SMIM18: variants seen among roughly 807,000 people sequenced by gnomAD.
SMIM18 encodes small integral membrane protein 18.
A neutral mutation model predicts 5.9 loss-of-function variants in SMIM18; 4 were observed. The observed-to-expected ratio is 0.68, with a 90% CI of 0.33 to 1.56. The LOEUF (loss-of-function observed/expected upper bound fraction) is 1.56. SMIM18 is among the 40% of genes most tolerant of loss of function. The pLI, the probability that SMIM18 is intolerant of heterozygous loss-of-function variation, is 0.06. For missense variants in SMIM18, 89 were observed against 109.7 expected (o/e 0.81, Z 0.84); for synonymous variants, 37 against 37.4 (o/e 0.99, Z 0.04).
intron 2 of SMIM18, among the ~76,000 whole-genome samples, 197 bp downstream of exon 2, chr8:30,644,769 A>G (rs1440432528): frequency 1.6e-5 from 2 of 121,962 alleles, no homozygotes; most frequent in African/African-American, 6.2e-5. Flanking sequence ...TTTTTTTTTG[A>G]GAAACGGTTT....
At chr8:30,640,922 C>G (rs1368988161) in intron 1 of SMIM18, among the ~76,000 whole-genome samples, 1 of 152,208 alleles carries the variant, frequency 6.6e-6, no homozygotes, top group African/African-American at 2.4e-5. Flanking sequence ...TCAGGCCAGT[C>G]TTGAACTTAT....
At chr8:30,640,878 T>C (rs1801795731) in intron 1 of SMIM18, among the ~76,000 whole-genome samples, 1 of 152,180 alleles carries the variant, frequency 6.6e-6, no homozygotes, top group South Asian at 2.1e-4. Context: ...CTAATTTTTG[T>C]GTTTTTAGCA....
intron 1 of SMIM18, among the ~76,000 whole-genome samples, chr8:30,641,507 C>T (rs1050144544): frequency 2.0e-5 from 3 of 152,108 alleles, no homozygotes; most frequent in Admixed American, 6.5e-5. Flanking sequence ...AGACTACAGG[C>T]GCAGGCTATC....
At chr8:30,643,108 C>T (rs1202238681) in intron 1 of SMIM18, among the ~76,000 whole-genome samples, 1 of 152,048 alleles carries the variant, frequency 6.6e-6, no homozygotes, top group East Asian at 1.9e-4. Flanking sequence ...CCTTAGAAAA[C>T]ATAATTTTAT....
chr8:30,638,999 T>A (rs1483292742), intron 1 of SMIM18, among the ~76,000 whole-genome samples: 1 of 152,198 alleles, frequency 6.6e-6, no homozygotes, highest in Non-Finnish European at 1.5e-5. Flanking sequence ...AACAAAGGAT[T>A]TTTCTTAAAG....
chr8:30,642,859 C>T (rs1049161829), intron 1 of SMIM18, among the ~76,000 whole-genome samples: 2 of 152,194 alleles, frequency 1.3e-5, no homozygotes, highest in African/African-American at 4.8e-5. Context: ...ATGTATCTGT[C>T]TGCCTTCCTG....
In SMIM18 at chr8:30,640,020, G is replaced by A. The variant is rs147572832; in HGVS notation, c.-111+1381G>A. Among the ~76,000 whole-genome samples the A allele has an allele frequency of 7.0e-3, 1,066 of 152,224 alleles. 10 individuals are homozygous for A. Among genetic ancestry groups the A allele is most frequent in the African/African-American group, 0.023 (937 of 41,530 alleles). On this transcript the variant is annotated intron_variant, in intron 1 of 2. Transcript: ENST00000517349. The stretch of plus-strand genomic sequence containing the variant: ...AGTTAACTTACAAATCAAATTTCAG[G>A]TAAACTGTCAACAGAAACCCCTACC...
intron 2 of SMIM18, 47 bp from the exon 3 acceptor site, chr8:30,645,234 C>A: frequency 7.3e-7 from 1 of 1,375,366 alleles, no homozygotes; most frequent in Non-Finnish European, 9.6e-7. Flanking sequence ...TTTGAATTAA[C>A]AGATCTGTAG....
chr8:30,645,577 C>T lies in SMIM18; in HGVS notation c.268C>T (p.Arg90Cys), dbSNP rs746606291. ...LRSMMDNIRK[R>C]ETEVV is the part of the protein sequence containing the mutation. ...AAGTATGATGGACAACATCAGAAAA[C>T]GTGAAACTGAAGTGGTCTAACACTC... Residue 90 changes from arginine to cysteine, a missense_variant, in exon 3 of 3, where the codon CGT becomes TGT. Arg to Cys is a radical substitution (Grantham distance 180, BLOSUM62 -3). Transcript: ENST00000517349. 10 of 1,535,344 alleles carry T rather than the reference C, an allele frequency of 6.5e-6. No homozygotes were observed. Among genetic ancestry groups the T allele is most frequent in the South Asian group, 2.4e-5 (2 of 84,054 alleles).
chr8:30,645,154 C>A (rs1408233470), intron 2 of SMIM18, 127 bp from the exon 3 acceptor site: 12 of 826,376 alleles, frequency 1.5e-5, no homozygotes, highest in Non-Finnish European at 2.2e-5. Flanking sequence ...TTCAAAACTA[C>A]CATTTAGGCA....
Position 30,644,586 on chromosome 8 carries a change from A to G in SMIM18, c.-30+14A>G, listed in dbSNP as rs1276996880. 1 of 151,170 alleles carries G rather than the reference A, an allele frequency of 6.6e-6. No individual in the cohort carries two copies. Among genetic ancestry groups the G allele is most frequent in the Non-Finnish European group, 1.5e-5 (1 of 67,558 alleles). The allele number at this position is 151,170 out of a possible 1,614,324, so 9.4% of individuals were successfully genotyped here. ...TGAACCAAAAAGGTAAGAAGAATCC[A>G]CAAGGCTAATGATAAAAGCTTTTCC... On this transcript the variant is annotated intron_variant, in intron 2 of 2. Transcript: ENST00000517349.
In SMIM18 at chr8:30,639,336, G is replaced by A. The variant is rs151165548; in HGVS notation, c.-111+697G>A. Reference sequence around the variant, plus strand: ...TTCTTCACTGTGAAATTTCTCTCTCGTAATATAAAGTCATGCTATTAAACA... The same window carrying A: ...TTCTTCACTGTGAAATTTCTCTCTCATAATATAAAGTCATGCTATTAAACA... On this transcript the variant is annotated intron_variant, in intron 1 of 2. Transcript: ENST00000517349. Among the ~76,000 whole-genome samples the A allele has an allele frequency of 1.3e-3, 201 of 152,064 alleles. 3 individuals are homozygous for A. The highest frequency in any genetic ancestry group is 0.011 in the Admixed American group (162 of 15,278).
intron 2 of SMIM18, among the ~76,000 whole-genome samples, chr8:30,644,846 G>A (rs1236772074): frequency 6.6e-6 from 1 of 151,640 alleles, no homozygotes; most frequent in Non-Finnish European, 1.5e-5. Context: ...CGCCTCCCTG[G>A]CTCAAGCAAT....
intron 1 of SMIM18, 59 bp from the exon 2 acceptor site, chr8:30,644,433 T>A (rs2128727677): frequency 6.6e-6 from 1 of 152,312 alleles, no homozygotes; most frequent in South Asian, 2.1e-4. Context: ...AAAATTTTAT[T>A]ATCCTCATTC....
In SMIM18 at chr8:30,645,325, T is replaced by C. The variant is rs1802027280; in HGVS notation, c.16T>C (p.Trp6Arg). Residue 6 changes from tryptophan to arginine, a missense_variant, in exon 3 of 3, where the codon TGG becomes CGG. By Grantham distance (101) the Trp-to-Arg change is moderately radical. Coordinates refer to ENST00000517349, the MANE Select transcript of SMIM18 (RefSeq NM_001206847.2). MASSH[W>R]NETTTSVYQY... ...ATCTCTAAGAATGGCTTCCAGCCAC[T>C]GGAATGAAACCACTACCTCTGTTTA... The C allele has an allele frequency of 6.5e-7, 1 of 1,535,190 alleles. No homozygotes were observed. The highest frequency in any genetic ancestry group is 2.0e-5 in the Admixed American group (1 of 50,886).
rs1374079559 is a variant in SMIM18, at chr8:30,645,729, GA to G, written c.*140del. The G allele has an allele frequency of 2.7e-5, 25 of 911,676 alleles. No homozygotes were observed. The highest frequency in any genetic ancestry group is 3.7e-5 in the Non-Finnish European group (23 of 625,426). 56.5% of individuals were successfully genotyped at this position (911,676 alleles called of 1,614,324 possible). A position where few individuals can be genotyped will look rare whatever the true frequency, so the allele number is the denominator to read the frequency against. Reference sequence around the variant, plus strand: ...GGTTAAAACATTTCTAGTAGAAGGGGAAAAAAAAGTTAAACATGCACTGTTT... The same window carrying G: ...GGTTAAAACATTTCTAGTAGAAGGGGAAAAAAAGTTAAACATGCACTGTTT... On this transcript the variant is annotated 3_prime_UTR_variant, in exon 3 of 3. Coordinates refer to ENST00000517349, the MANE Select transcript of SMIM18 (RefSeq NM_001206847.2).
At chr8:30,640,078 T>G (rs1021839798) in intron 1 of SMIM18, among the ~76,000 whole-genome samples, 1 of 152,192 alleles carries the variant, frequency 6.6e-6, no homozygotes, top group South Asian at 2.1e-4. Flanking sequence ...ATCATCAGCC[T>G]GCATTTTGCT....
At chr8:30,641,513 C>A (rs1801829838) in intron 1 of SMIM18, among the ~76,000 whole-genome samples, 1 of 152,170 alleles carries the variant, frequency 6.6e-6, no homozygotes, top group African/African-American at 2.4e-5. Context: ...CAGGCGCAGG[C>A]TATCATGCCC....
chr8:30,640,872 T>C (rs963419964), intron 1 of SMIM18, among the ~76,000 whole-genome samples: 1 of 152,158 alleles, frequency 6.6e-6, no homozygotes, highest in Non-Finnish European at 1.5e-5. Flanking sequence ...AACTGGCTAA[T>C]TTTTGTGTTT....
Sources: allele counts gnomAD v4.1 joint callset (sites outside exome capture counted in the v4.1 genomes callset), GRCh38; gene constraint gnomAD v4.1.1; transcripts MANE v1.5; gene names NCBI Gene and HGNC (gene_info 2026-07-23, HGNC 2026-07-21).